Variants in NPAS3 observed in about 807,000 individuals in gnomAD.
NPAS3 encodes the protein neuronal PAS domain protein 3.
A neutral mutation model predicts 73.1 loss-of-function variants in NPAS3; 14 were observed. The observed-to-expected ratio is 0.19, with a 90% CI of 0.13 to 0.30. The LOEUF (loss-of-function observed/expected upper bound fraction) is 0.30, where lower values mean the gene tolerates loss of function less well. Among genes scored for constraint, NPAS3 ranks in the 10% least tolerant of loss-of-function variants. NPAS3 has a pLI of 1.00. For missense variants in NPAS3, 1,096 were observed against 1,250.0 expected, an observed-to-expected ratio of 0.88 and a Z score of 1.86; for synonymous variants, 620 against 541.5, an observed-to-expected ratio of 1.14 and a Z score of -2.01.
chr14:32,993,103 T>A (rs2038402283), intron 1 of NPAS3, among the ~76,000 whole-genome samples: 1 of 151,308 alleles, frequency 6.6e-6, no homozygotes, highest in Admixed American at 6.6e-5. Context: ...TGAGCCTAGA[T>A]TGTACCATTG....
rs543759373 is a variant in NPAS3 at position 33,565,502 on chromosome 14, A to G, written c.558+5292A>G. ...GCCATGTCTTTCTTTTGCTTTTCCA[A>G]AGTGCAAGGCTCACTCTTCCATTCT... On this transcript the variant is annotated intron_variant, in intron 5 of 11. Transcript: ENST00000356141. Among the ~76,000 whole-genome samples the G allele has an allele frequency of 3.9e-5, 6 of 152,332 alleles. No homozygotes were observed. In the South Asian group the frequency reaches 1.2e-3, roughly 32 times the overall value.
At chr14:33,476,214 G>A (rs949218962) in intron 4 of NPAS3, among the ~76,000 whole-genome samples, 4 of 152,188 alleles carry the variant, frequency 2.6e-5, no homozygotes. Context: ...TCAACATAAA[G>A]TTTGAACATT....
intron 2 of NPAS3, among the ~76,000 whole-genome samples, chr14:33,155,931 T>G (rs2044631130): frequency 6.6e-6 from 1 of 152,252 alleles, no homozygotes; most frequent in Non-Finnish European, 1.5e-5. Flanking sequence ...CCTCTGTCAA[T>G]TTATTCATTA....
chr14:33,603,667 A>C (rs2057467333), intron 5 of NPAS3, among the ~76,000 whole-genome samples: 1 of 152,204 alleles, frequency 6.6e-6, no homozygotes, highest in African/African-American at 2.4e-5. Flanking sequence ...ACACTGAAAG[A>C]AAAACATTCT....
chr14:33,678,074 TTTCC>T (rs1026620467), intron 6 of NPAS3, among the ~76,000 whole-genome samples: 9 of 152,182 alleles, frequency 5.9e-5, no homozygotes, highest in African/African-American at 2.2e-4. Flanking sequence ...GAAAAGTTTG[TTTCC>T]TTGAATCACA....
intron 5 of NPAS3, among the ~76,000 whole-genome samples, chr14:33,655,048 C>T (rs2059104999): frequency 6.6e-6 from 1 of 152,196 alleles, no homozygotes; most frequent in South Asian, 2.1e-4. Context: ...GATGTAACTG[C>T]CTCCACTGTA....
chr14:33,603,732 G>A (rs1474952190), intron 5 of NPAS3, among the ~76,000 whole-genome samples: 2 of 152,112 alleles, frequency 1.3e-5, no homozygotes, highest in Non-Finnish European at 2.9e-5. Context: ...ATTCACAAAA[G>A]AATGAAGACT....
At chr14:33,326,237 T>A (rs190906818) in intron 3 of NPAS3, among the ~76,000 whole-genome samples, 1 of 152,136 alleles carries the variant, frequency 6.6e-6, no homozygotes, top group Admixed American at 6.5e-5. Context: ...AGCCTAAAGC[T>A]ATAGTGAAAG....
chr14:33,709,352 G>C (rs1247037090), intron 6 of NPAS3, among the ~76,000 whole-genome samples: 1 of 152,146 alleles, frequency 6.6e-6, no homozygotes, highest in Non-Finnish European at 1.5e-5. Flanking sequence ...GAAGGCTGAT[G>C]AATAATATCA....
chr14:32,997,154 C>CT (rs1448495692), intron 1 of NPAS3, among the ~76,000 whole-genome samples: 2 of 152,204 alleles, frequency 1.3e-5, no homozygotes, highest in Non-Finnish European at 2.9e-5. Flanking sequence ...TGCATGGGGC[C>CT]TGTAGCCCCT....
intron 3 of NPAS3, among the ~76,000 whole-genome samples, chr14:33,309,016 A>G (rs73256833): frequency 0.015 from 2,217 of 152,274 alleles, 58 homozygotes; most frequent in African/African-American, 0.049. Flanking sequence ...AACTTAGATG[A>G]GCCAGCTATC....
At chr14:33,177,289 G>C (rs1268816293) in intron 2 of NPAS3, among the ~76,000 whole-genome samples, 1 of 151,692 alleles carries the variant, frequency 6.6e-6, no homozygotes, top group Non-Finnish European at 1.5e-5. Context: ...GTAGAGACAG[G>C]GTTTCGCCAT....
intron 5 of NPAS3, among the ~76,000 whole-genome samples, chr14:33,601,628 G>A (rs2057401496): frequency 6.6e-6 from 1 of 152,200 alleles, no homozygotes; most frequent in Admixed American, 6.5e-5. Context: ...ACTTAAGGCA[G>A]ATACAGGTAT....
At chr14:33,628,237 A>C (rs2058277164) in intron 5 of NPAS3, among the ~76,000 whole-genome samples, 1 of 152,228 alleles carries the variant, frequency 6.6e-6, no homozygotes, top group Non-Finnish European at 1.5e-5. Context: ...TCTGCTTATA[A>C]GCATTCAAGG....
intron 2 of NPAS3, among the ~76,000 whole-genome samples, chr14:33,087,323 A>T (rs930908095): frequency 2.0e-5 from 3 of 150,980 alleles, no homozygotes; most frequent in Non-Finnish European, 4.4e-5. Flanking sequence ...TTCAAGCCTA[A>T]CACTTGTCAG....
chr14:33,424,191 T>C (rs1047524993), intron 4 of NPAS3, among the ~76,000 whole-genome samples: 1 of 151,918 alleles, frequency 6.6e-6, no homozygotes, highest in Non-Finnish European at 1.5e-5. Context: ...ATCCAAGAGA[T>C]AAGTTGGAGT....
intron 5 of NPAS3, among the ~76,000 whole-genome samples, chr14:33,596,037 A>G (rs1472325736): frequency 1.3e-5 from 2 of 152,248 alleles, no homozygotes; most frequent in Admixed American, 6.5e-5. Context: ...GTACCAATGT[A>G]GAAGTCTAAC....
At chr14:33,423,447 A>G (rs749333892) in intron 4 of NPAS3, among the ~76,000 whole-genome samples, 1 of 152,010 alleles carries the variant, frequency 6.6e-6, no homozygotes, top group Non-Finnish European at 1.5e-5. Flanking sequence ...CGAAAGCAGA[A>G]TCTGTGACAG....
chr14:33,063,505 G>A (rs528169362), intron 2 of NPAS3, among the ~76,000 whole-genome samples: 21 of 152,164 alleles, frequency 1.4e-4, no homozygotes, highest in Non-Finnish European at 1.3e-4. Flanking sequence ...CATTTGTGGT[G>A]GAATTAGGAT....
Sources: allele counts gnomAD v4.1 joint callset (sites outside exome capture counted in the v4.1 genomes callset), GRCh38; gene constraint gnomAD v4.1.1; transcripts MANE v1.5; gene names NCBI Gene and HGNC (gene_info 2026-07-23, HGNC 2026-07-21).